The following DOK6 variants were observed in gnomAD, a reference collection of about 807,000 sequenced individuals.
The protein encoded by DOK6 is downstream of tyrosine kinase 6.
In DOK6, 22 loss-of-function variants were observed where a neutral mutation model predicts 44.0. That is an observed-to-expected ratio of 0.50 (90% CI 0.36 to 0.71). The LOEUF is 0.71. Among genes scored for constraint, DOK6 ranks in the 30% least tolerant of loss-of-function variants. DOK6 has a pLI of 0.00. For synonymous variants in DOK6, 166 were observed against 145.5 expected (o/e 1.14, Z -1.01); for missense variants, 340 against 416.4 (o/e 0.82, Z 1.60).
At chr18:69,664,671 TGTGC>T (rs990718960) in intron 3 of DOK6, among the ~76,000 whole-genome samples, 27 of 152,234 alleles carry the variant, frequency 1.8e-4, no homozygotes, top group Admixed American at 1.3e-3. Context: ...TCTCAGACTG[TGTGC>T]ATTTAAAGGG....
chr18:69,712,807 A>G (rs1365308853), intron 5 of DOK6, among the ~76,000 whole-genome samples: 5 of 152,224 alleles, frequency 3.3e-5, no homozygotes, highest in African/African-American at 1.2e-4. Context: ...AGATCACGCT[A>G]CTGCATTCCA....
chr18:69,838,572 T>C (rs767763267), intron 7 of DOK6, among the ~76,000 whole-genome samples: 2 of 152,102 alleles, frequency 1.3e-5, no homozygotes, highest in African/African-American at 4.8e-5. Context: ...GATTTAATAC[T>C]CAAAAGGATC....
intron 1 of DOK6, among the ~76,000 whole-genome samples, chr18:69,449,368 A>G (rs572494601): frequency 1.8e-4 from 28 of 152,348 alleles, no homozygotes; most frequent in African/African-American, 6.0e-4. Context: ...TCTTAGTTGT[A>G]AACTTTGACA....
intron 1 of DOK6, among the ~76,000 whole-genome samples, chr18:69,528,843 T>A (rs1302121862): frequency 6.6e-6 from 1 of 152,168 alleles, no homozygotes; most frequent in African/African-American, 2.4e-5. Flanking sequence ...TTTTACTGAG[T>A]CTCACCTTTT....
intron 1 of DOK6, among the ~76,000 whole-genome samples, chr18:69,527,521 AC>A (rs1194814408): frequency 6.6e-6 from 1 of 152,154 alleles, no homozygotes. Context: ...CCGTGATTCA[AC>A]CACCTCCCAC....
chr18:69,573,508 AAGTTTCCCTT>A (rs1477061350), intron 2 of DOK6, among the ~76,000 whole-genome samples: 1 of 151,932 alleles, frequency 6.6e-6, no homozygotes, highest in Non-Finnish European at 1.5e-5. Context: ...CCGGTGACTT[AAGTTTCCCTT>A]TGGGAATTTT....
At chr18:69,762,145 GCATGCATACATACATACATACATA>G (rs1979578853) in intron 7 of DOK6, among the ~76,000 whole-genome samples, 1 of 108,970 alleles carries the variant, frequency 9.2e-6, no homozygotes, top group Non-Finnish European at 2.1e-5. Flanking sequence ...CTCCATCTCT[GCATGCATACATACATACATACATA>G]CATACATACA....
At chr18:69,589,564 A>C (rs1467720095) in intron 2 of DOK6, among the ~76,000 whole-genome samples, 1 of 152,136 alleles carries the variant, frequency 6.6e-6, no homozygotes, top group African/African-American at 2.4e-5. Flanking sequence ...CTCAATTATC[A>C]TGATGCAAAC....
intron 1 of DOK6, among the ~76,000 whole-genome samples, chr18:69,551,542 TA>T (rs1162675085): frequency 3.9e-5 from 6 of 152,172 alleles, no homozygotes; most frequent in Admixed American, 2.0e-4. Context: ...AAACAATAAT[TA>T]GAAAAAGAAT....
At chr18:69,513,832 C>T (rs1464339257) in intron 1 of DOK6, among the ~76,000 whole-genome samples, 3 of 151,826 alleles carry the variant, frequency 2.0e-5, no homozygotes, top group Non-Finnish European at 4.4e-5. Flanking sequence ...ATAATTTTAT[C>T]AAAGAAAAGA....
chr18:69,617,269 G>GCACTCCAGCC (rs2144635452), intron 3 of DOK6, among the ~76,000 whole-genome samples: 2 of 151,836 alleles, frequency 1.3e-5, no homozygotes, highest in South Asian at 4.2e-4. Flanking sequence ...GCTGTGAGCT[G>GCACTCCAGCC]TGATTGTACC....
At chr18:69,593,926 TC>T (rs1189920819) in intron 2 of DOK6, among the ~76,000 whole-genome samples, 4 of 152,208 alleles carry the variant, frequency 2.6e-5, no homozygotes, top group African/African-American at 4.8e-5. Flanking sequence ...TTCATTAAGA[TC>T]CTTTGTTCAG....
intron 7 of DOK6, among the ~76,000 whole-genome samples, chr18:69,789,801 C>G (rs1438000865): frequency 6.6e-6 from 1 of 152,138 alleles, no homozygotes; most frequent in Admixed American, 6.6e-5. Context: ...ATATCATCTT[C>G]AGAATAAATT....
At chr18:69,692,049 T>G (rs1232617565) in intron 4 of DOK6, among the ~76,000 whole-genome samples, 1 of 152,192 alleles carries the variant, frequency 6.6e-6, no homozygotes, top group East Asian at 1.9e-4. Context: ...TACCCCCTTT[T>G]CTTTTCATTA....
intron 1 of DOK6, among the ~76,000 whole-genome samples, chr18:69,402,609 G>T (rs1327899554): frequency 5.9e-5 from 9 of 152,140 alleles, no homozygotes; most frequent in African/African-American, 1.7e-4. Flanking sequence ...GCTGGGTTTC[G>T]CATTAAAGGT....
At chr18:69,841,129 C>CACATTTATTTTT in intron 7 of DOK6, 115 bp from the exon 8 acceptor site, 1 of 1,361,122 alleles carries the variant, frequency 7.3e-7, no homozygotes, top group South Asian at 1.4e-5. Flanking sequence ...AAGCTGCTGC[C>CACATTTATTTTT]TTGTTTATTG....
rs1555722635 is a variant in DOK6 at position 69,677,370 on chromosome 18, G to GTGTATA, written c.290-363_290-362insGTATAT. On this transcript the variant is annotated intron_variant, in intron 3 of 7. Coordinates refer to ENST00000382713, the MANE Select transcript of DOK6 (RefSeq NM_152721.6). ...CTATATATATATTATATATGTGTGT[G>GTGTATA]TATATATATATATATGTATATAAAA... 1.4e-4 allele frequency among the ~76,000 whole-genome samples: 21 copies of GTGTATA among 149,232 alleles called. No individual in the cohort carries two copies. In the South Asian group the frequency reaches 1.7e-3, roughly 12 times the overall value.
At chr18:69,434,950 G>A (rs144631304) in intron 1 of DOK6, among the ~76,000 whole-genome samples, 1,425 of 75,860 alleles carry the variant, frequency 0.019, 29 homozygotes, top group East Asian at 0.036. Context: ...GAGGGAGGGA[G>A]GGAGGGAAGG....
At chr18:69,560,866 G>C (rs1982813068) in intron 1 of DOK6, among the ~76,000 whole-genome samples, 1 of 152,158 alleles carries the variant, frequency 6.6e-6, no homozygotes, top group Admixed American at 6.5e-5. Context: ...GGCTGAGCTG[G>C]AATTCCAAGT....
Sources: allele counts gnomAD v4.1 joint callset (sites outside exome capture counted in the v4.1 genomes callset), GRCh38; gene constraint gnomAD v4.1.1; transcripts MANE v1.5; gene names NCBI Gene and HGNC (gene_info 2026-07-23, HGNC 2026-07-21).